TOM1: variants seen among roughly 807,000 people sequenced by gnomAD.
TOM1 encodes the protein target of myb1 membrane trafficking protein.
In TOM1, 38 loss-of-function variants were observed where a neutral mutation model predicts 61.3. The observed-to-expected ratio is 0.62, with a 90% CI of 0.48 to 0.81. The LOEUF (loss-of-function observed/expected upper bound fraction) is 0.81, where lower values mean the gene tolerates loss of function less well. Among genes scored for constraint, TOM1 ranks in the 40% least tolerant of loss-of-function variants. The pLI, the probability that TOM1 is intolerant of heterozygous loss-of-function variation, is 0.00. For missense variants in TOM1, 591 were observed against 659.6 expected (o/e 0.90, Z 1.14); for synonymous variants, 270 against 268.8 (o/e 1.00, Z -0.04).
chr22:35,329,606 T>C (rs1310243256), intron 7 of TOM1, among the ~76,000 whole-genome samples: 2 of 152,206 alleles, frequency 1.3e-5, no homozygotes, highest in African/African-American at 2.4e-5. Flanking sequence ...AGGCAAAAAC[T>C]CGAAATCGAG....
chr22:35,341,123 G>A (rs1323191119), intron 12 of TOM1, among the ~76,000 whole-genome samples: 1 of 152,200 alleles, frequency 6.6e-6, no homozygotes, highest in Non-Finnish European at 1.5e-5. Context: ...TCCGGGCCAG[G>A]CCTGCACTAA....
intron 2 of TOM1, chr22:35,318,252 A>G (rs1927479749): frequency 2.0e-6 from 1 of 500,372 alleles, no homozygotes; most frequent in African/African-American, 1.9e-5. Context: ...GCATCTGCCT[A>G]GGATGAGGCA....
At chr22:35,343,290 GCCCTACACACCACAC>G (rs1333457191) in intron 12 of TOM1, among the ~76,000 whole-genome samples, 20 of 68,908 alleles carry the variant, frequency 2.9e-4, no homozygotes, top group South Asian at 1.0e-3. Flanking sequence ...TACACACACA[GCCCTACACACCACAC>G]CTACACACCC....
rs1440114808 is a variant in TOM1 at position 35,342,862 on chromosome 22, ACCTACACACACC to A, written c.1225-2850_1225-2839del. Among the ~76,000 whole-genome samples the A allele has an allele frequency of 7.5e-5, 10 of 133,254 alleles. No homozygotes were observed. In the South Asian group the frequency reaches 1.2e-3, roughly 16 times the overall value. The allele number at this position is 133,254 out of a possible 152,430, so 87.4% of individuals were successfully genotyped here. A position where few individuals can be genotyped will look rare whatever the true frequency, so the allele number is the denominator to read the frequency against. ...ACACACCACACCTACACACTCATGC[ACCTACACACACC>A]CCTACACACACCACACACACATCTA... is the stretch of plus-strand genomic sequence containing the variant. On this transcript the variant is annotated intron_variant, in intron 12 of 14. Coordinates refer to ENST00000449058, the MANE Select transcript of TOM1 (RefSeq NM_005488.3).
intron 3 of TOM1, 70 bp from the exon 4 acceptor site, chr22:35,322,958 C>A: frequency 6.4e-7 from 1 of 1,572,456 alleles, no homozygotes; most frequent in South Asian, 1.2e-5. Context: ...GGAGGAGCCA[C>A]GAGGGTGGGG....
chr22:35,300,205 T>G (rs1432375699), intron 1 of TOM1, among the ~76,000 whole-genome samples: 1 of 152,158 alleles, frequency 6.6e-6, no homozygotes, highest in Admixed American at 6.5e-5. Flanking sequence ...AGCCAGTAGG[T>G]AAGGAGAGAG....
chr22:35,306,353 A>C (rs552795949), intron 1 of TOM1, among the ~76,000 whole-genome samples: 24 of 152,300 alleles, frequency 1.6e-4, no homozygotes, highest in Non-Finnish European at 2.9e-4. Flanking sequence ...TTATCCCCAC[A>C]GTGTGCCCAT....
chr22:35,334,373 C>T lies in TOM1; in HGVS notation c.1073C>T (p.Ala358Val). The T allele has an allele frequency of 6.2e-7, 1 of 1,614,154 alleles. No individual in the cohort carries two copies. Among genetic ancestry groups the T allele is most frequent in the Non-Finnish European group, 8.5e-7 (1 of 1,179,990 alleles). ...SVRAGLQSLEASGRLEDEFDM... is the reference protein window; with the variant it reads ...SVRAGLQSLEVSGRLEDEFDM... ...AGAGCTGGCCTGCAGTCTCTGGAGG[C>T]CTCTGGTCGACTGGAAGATGAGTTT... The change falls in exon 11 of 15, where the codon GCC (alanine) becomes GTC (valine). Residue 358 changes from alanine to valine, a missense_variant. Physicochemically the swap from Ala to Val is moderately conservative, Grantham distance 64. Transcript: ENST00000449058.
intron 11 of TOM1, among the ~76,000 whole-genome samples, chr22:35,337,702 C>A (rs1349338633): frequency 6.6e-6 from 1 of 152,256 alleles, no homozygotes; most frequent in Non-Finnish European, 1.5e-5. Context: ...CTGAAGCCTA[C>A]AGTTAGACCA....
chr22:35,334,485 C>T (rs755744384), intron 11 of TOM1, 37 bp downstream of exon 11: 34 of 1,611,642 alleles, frequency 2.1e-5, no homozygotes, highest in Admixed American at 5.0e-5. Flanking sequence ...CCCTGCAGTT[C>T]GGGTGGCTCT....
At chr22:35,326,770 C>G (rs1473099159) in intron 6 of TOM1, among the ~76,000 whole-genome samples, 2 of 150,608 alleles carry the variant, frequency 1.3e-5, no homozygotes, top group Non-Finnish European at 3.0e-5. Flanking sequence ...GATCCCAGTC[C>G]TCTAGGAGGA....
At position 35,323,385 on chromosome 22, in the gene TOM1, TAAA is replaced by T. The variant is rs77565301; in HGVS notation, c.367-98_367-96del. The T allele has an allele frequency of 9.9e-4, 1,282 of 1,299,726 alleles. No homozygotes were observed. The highest frequency in any genetic ancestry group is 1.3e-3 in the Middle Eastern group (5 of 3,802). 80.5% of individuals were successfully genotyped at this position (1,299,726 alleles called of 1,614,324 possible). A position where few individuals can be genotyped will look rare whatever the true frequency, so the allele number is the denominator to read the frequency against. On this transcript the variant is annotated intron_variant, in intron 4 of 14. Transcript: ENST00000449058. This position sits in a 1 kb window ranked among gnomAD's most constrained non-coding sequence, Gnocchi z 4.2. ...GTGGAGTGGGCAGGGCAGATGTAGTTAAAAAAAAAAAAAAAGCAGGGAAAGAAT... is the reference window on the plus strand; with the variant it reads ...GTGGAGTGGGCAGGGCAGATGTAGTTAAAAAAAAAAAAGCAGGGAAAGAAT...
chr22:35,343,003 C>T (rs1930031080), intron 12 of TOM1, among the ~76,000 whole-genome samples: 2 of 142,820 alleles, frequency 1.4e-5, no homozygotes, highest in South Asian at 2.3e-4. Flanking sequence ...CACCCCCACA[C>T]CACACACACA....
At chr22:35,299,715 C>T, upstream of TOM1, 1 of 583,152 alleles carries the variant, frequency 1.7e-6, no homozygotes, top group South Asian at 2.0e-5. Context: ...GTGTGACGCC[C>T]GCCGCCGCCG....
At chr22:35,346,365 T>A (rs1300788617) in intron 13 of TOM1, among the ~76,000 whole-genome samples, 1 of 152,226 alleles carries the variant, frequency 6.6e-6, no homozygotes, top group African/African-American at 2.4e-5. Context: ...CATGGGCACT[T>A]CAGGCCCAGA....
chr22:35,301,304 A>T (rs1160834458), intron 1 of TOM1, among the ~76,000 whole-genome samples: 1 of 102,990 alleles, frequency 9.7e-6, no homozygotes, highest in Non-Finnish European at 2.6e-5. Context: ...ACATATACAT[A>T]CACATACATA....
chr22:35,307,258 C>T (rs902513969), intron 1 of TOM1, among the ~76,000 whole-genome samples: 7 of 152,148 alleles, frequency 4.6e-5, no homozygotes, highest in African/African-American at 9.7e-5. Context: ...TTTTCATTAG[C>T]TTATCTGTTA....
intron 1 of TOM1, among the ~76,000 whole-genome samples, chr22:35,311,474 C>G (rs990819433): frequency 2.0e-5 from 3 of 152,206 alleles, no homozygotes; most frequent in African/African-American, 7.2e-5. Context: ...AGCCTGGTGG[C>G]TAATCAGTGA....
chr22:35,330,182 G>A (rs551802778), intron 7 of TOM1, among the ~76,000 whole-genome samples, 165 bp from the exon 8 acceptor site: 1 of 152,238 alleles, frequency 6.6e-6, no homozygotes, highest in South Asian at 2.1e-4. Flanking sequence ...TACTTGGGAG[G>A]CTGAGGCAGG....
Sources: gnomAD v4.1 joint callset for allele counts (sites outside exome capture counted in the v4.1 genomes callset) on GRCh38, gnomAD v4.1.1 for gene constraint, Gnocchi (gnomAD v3.1) non-coding constraint, MANE v1.5 for transcripts, NCBI Gene and HGNC (gene_info 2026-07-23, HGNC 2026-07-21) for gene names.